CNTNAP2: variants seen among roughly 807,000 people sequenced by gnomAD.
CNTNAP2 encodes contactin associated protein 2, also known as contactin-associated protein-like 2.
Under a neutral mutation model 155.2 loss-of-function variants are expected in CNTNAP2, and 98 were observed. That is an observed-to-expected ratio of 0.63 (90% CI 0.54 to 0.75). The LOEUF (loss-of-function observed/expected upper bound fraction) is 0.75. CNTNAP2 is among the 30% of genes least tolerant of loss of function. The probability of loss-of-function intolerance (pLI) is 0.00; values close to 1 mark genes in which losing one functional copy is unlikely to be tolerated. For synonymous variants in CNTNAP2, 651 were observed against 631.2 expected, an observed-to-expected ratio of 1.03 and a Z score of -0.47; for missense variants, 1,727 against 1,688.1, an observed-to-expected ratio of 1.02 and a Z score of -0.40.
Position 147,079,383 on chromosome 7 carries a change from C to A in CNTNAP2, c.551-28764C>A, listed in dbSNP as rs567818993. 5.3e-5 allele frequency among the ~76,000 whole-genome samples: 8 copies of A among 152,112 alleles called. No homozygotes were observed. The East Asian group carries it at 1.6e-3, about 30-fold the overall frequency. ...TGTCTTCATCCCACCGTTAGTGGGACATGCAGTTTGGGATGTTGCTCCCGT... is the reference window on the plus strand; with the variant it reads ...TGTCTTCATCCCACCGTTAGTGGGAAATGCAGTTTGGGATGTTGCTCCCGT... On this transcript the variant is annotated intron_variant, in intron 4 of 23. Coordinates refer to ENST00000361727, the MANE Select transcript of CNTNAP2 (RefSeq NM_014141.6).
chr7:148,355,218 G>T (rs1355745947), intron 21 of CNTNAP2, among the ~76,000 whole-genome samples: 1 of 95,222 alleles, frequency 1.1e-5, no homozygotes, highest in Non-Finnish European at 1.9e-5. Context: ...GTCTTGCTCT[G>T]TCGCCCAGGC....
rs561310647 is a variant in CNTNAP2 at position 146,675,501 on chromosome 7, G to T, written c.98-98770G>T. On this transcript the variant is annotated intron_variant, in intron 1 of 23. Transcript: ENST00000361727. ...TCTCAGCTATTTTATTTTAAATGAT[G>T]GGCAAGGCTTTTTGCTGTTTGGTTT... is the stretch of plus-strand genomic sequence containing the variant. Among the ~76,000 whole-genome samples, 49 of 152,190 alleles carry T rather than the reference G, an allele frequency of 3.2e-4. 3 individuals are homozygous for T. The South Asian group carries it at 9.8e-3, about 30-fold the overall frequency.
chr7:147,315,313 G>T (rs1795205459), intron 9 of CNTNAP2, among the ~76,000 whole-genome samples: 1 of 150,520 alleles, frequency 6.6e-6, no homozygotes, highest in Non-Finnish European at 1.5e-5. Flanking sequence ...ACAGAGTCTT[G>T]TAACTATCAC....
At chr7:146,738,476 G>T (rs559840389) in intron 1 of CNTNAP2, among the ~76,000 whole-genome samples, 19 of 151,946 alleles carry the variant, frequency 1.3e-4, no homozygotes, top group African/African-American at 2.4e-4. Context: ...TCTTCGTTTT[G>T]TTTATTGTTC....
At chr7:146,260,042 T>C (rs889921915) in intron 1 of CNTNAP2, among the ~76,000 whole-genome samples, 3 of 152,196 alleles carry the variant, frequency 2.0e-5, no homozygotes, top group African/African-American at 4.8e-5. Context: ...CCAGCCACTC[T>C]AGCTTTTGCT....
chr7:146,525,800 A>G (rs1340597008), intron 1 of CNTNAP2, among the ~76,000 whole-genome samples: 1 of 152,070 alleles, frequency 6.6e-6, no homozygotes, highest in Non-Finnish European at 1.5e-5. Flanking sequence ...TCTTGCTAGT[A>G]TGCTTTCAAC....
In CNTNAP2 at chr7:148,253,298, C is replaced by T. The variant is rs190441867; in HGVS notation, c.3382-13735C>T. On this transcript the variant is annotated intron_variant, in intron 20 of 23. Coordinates refer to ENST00000361727, the MANE Select transcript of CNTNAP2 (RefSeq NM_014141.6). ...TCAATGAGGCTAGTGACCTCAACAC[C>T]CTTAGAGAAATTTGGTTTATTATTC... is the stretch of plus-strand genomic sequence containing the variant. 1.9e-4 allele frequency among the ~76,000 whole-genome samples: 29 copies of T among 152,258 alleles called. No individual in the cohort carries two copies. The East Asian group carries it at 3.7e-3, about 19-fold the overall frequency.
Position 147,300,166 on chromosome 7 carries a change from G to A in CNTNAP2, c.1374G>A (p.Trp458Ter). ...SSGSGLNDGQ[W>*]HEVRFLAKEN... ...GTTCTGGGTTGAATGATGGACAGTG[G>A]CACGAGGTTCGCTTCCTAGCCAAGG... is the stretch of plus-strand genomic sequence containing the variant. The change falls in exon 9 of 24, where the codon TGG becomes TGA. Residue 458 changes from tryptophan to a stop codon, truncating the protein, a stop_gained. Transcript: ENST00000361727. LOFTEE classifies it high-confidence loss of function. 1.2e-6 allele frequency: 2 copies of A among 1,613,994 alleles called. No homozygotes were observed. Among genetic ancestry groups the A allele is most frequent in the Non-Finnish European group, 1.7e-6 (2 of 1,179,914 alleles).
intron 15 of CNTNAP2, among the ~76,000 whole-genome samples, chr7:148,116,768 CAT>C (rs1222534700): frequency 2.6e-5 from 4 of 152,126 alleles, no homozygotes; most frequent in African/African-American, 9.7e-5. Context: ...TTTAATATTG[CAT>C]ATGTGTATAA....
chr7:147,202,203 T>C (rs1415495642), intron 8 of CNTNAP2, among the ~76,000 whole-genome samples: 1 of 143,520 alleles, frequency 7.0e-6, no homozygotes, highest in Non-Finnish European at 1.5e-5. Flanking sequence ...GCCAAAATAA[T>C]AAAATAGTCT....
At chr7:146,610,858 G>A (rs1231885702) in intron 1 of CNTNAP2, among the ~76,000 whole-genome samples, 1 of 152,082 alleles carries the variant, frequency 6.6e-6, no homozygotes, top group Non-Finnish European at 1.5e-5. Context: ...TTTTGTTCTT[G>A]CCTTGAGCCC....
intron 1 of CNTNAP2, among the ~76,000 whole-genome samples, chr7:146,510,766 G>C (rs1465558171): frequency 6.6e-6 from 1 of 151,382 alleles, no homozygotes; most frequent in African/African-American, 2.4e-5. Flanking sequence ...TTGCTTTCTT[G>C]ATTTCTTTTT....
At chr7:147,159,965 CAG>C (rs200567546) in intron 8 of CNTNAP2, among the ~76,000 whole-genome samples, 2,678 of 151,882 alleles carry the variant, frequency 0.018, 63 homozygotes, top group African/African-American at 0.06. Flanking sequence ...AGTTGCAAAA[CAG>C]AAGTGACATA....
At chr7:147,783,599 G>A (rs1202028784) in intron 13 of CNTNAP2, among the ~76,000 whole-genome samples, 5 of 152,136 alleles carry the variant, frequency 3.3e-5, no homozygotes, top group South Asian at 2.1e-4. Context: ...CACAAGTTTC[G>A]TTTATTGCTA....
intron 21 of CNTNAP2, among the ~76,000 whole-genome samples, chr7:148,346,071 C>T (rs1021212805): frequency 1.2e-4 from 18 of 152,258 alleles, no homozygotes; most frequent in African/African-American, 3.9e-4. Flanking sequence ...CCCTGAGCGC[C>T]AGTGTCACCC....
At chr7:146,365,210 A>G (rs1350549702) in intron 1 of CNTNAP2, among the ~76,000 whole-genome samples, 1 of 152,196 alleles carries the variant, frequency 6.6e-6, no homozygotes, top group Non-Finnish European at 1.5e-5. Flanking sequence ...AATCATGTCT[A>G]CCCAGAGTTC....
chr7:146,538,061 C>T (rs1449061944), intron 1 of CNTNAP2, among the ~76,000 whole-genome samples: 2 of 152,000 alleles, frequency 1.3e-5, no homozygotes, highest in East Asian at 3.9e-4. Context: ...AAGAAATATC[C>T]AAGCCAGTTA....
At chr7:146,121,106 TACA>T (rs1797555856) in intron 1 of CNTNAP2, among the ~76,000 whole-genome samples, 8 of 148,880 alleles carry the variant, frequency 5.4e-5, no homozygotes, top group Non-Finnish European at 7.4e-5. Context: ...TCTTAAAGTT[TACA>T]TAAAGCTTCC....
chr7:147,138,244 C>T (rs1471009091), intron 8 of CNTNAP2, among the ~76,000 whole-genome samples: 1 of 151,856 alleles, frequency 6.6e-6, no homozygotes, highest in Admixed American at 6.6e-5. Flanking sequence ...ACTGTACTCA[C>T]TTTAATTAGG....
Sources: allele counts gnomAD v4.1 joint callset (sites outside exome capture counted in the v4.1 genomes callset), GRCh38; gene constraint gnomAD v4.1.1; transcripts MANE v1.5; gene names NCBI Gene and HGNC (gene_info 2026-07-23, HGNC 2026-07-21).